HTR1F: variants seen among roughly 807,000 people sequenced by gnomAD.
HTR1F encodes the protein 5-hydroxytryptamine (serotonin) receptor 1F, G protein-coupled.
Under a neutral mutation model 24.0 loss-of-function variants are expected in HTR1F, and 17 were observed. The observed-to-expected ratio is 0.71, with a 90% CI of 0.48 to 1.06. HTR1F has a LOEUF of 1.06. HTR1F is among the 50% of genes least tolerant of loss of function. The pLI, the probability that HTR1F is intolerant of heterozygous loss-of-function variation, is 0.00. For synonymous variants in HTR1F, 186 were observed against 156.8 expected (o/e 1.19, Z -1.39); for missense variants, 391 against 427.8 (o/e 0.91, Z 0.76).
intron 2 of HTR1F, among the ~76,000 whole-genome samples, chr3:87,982,471 T>C (rs1246066457): frequency 6.6e-6 from 1 of 152,206 alleles, no homozygotes; most frequent in Non-Finnish European, 1.5e-5. Flanking sequence ...TGAAGAAAAC[T>C]ATACTAACTT....
chr3:87,938,963 C>G (rs1704494352), intron 2 of HTR1F, among the ~76,000 whole-genome samples: 2 of 152,272 alleles, frequency 1.3e-5, no homozygotes, highest in South Asian at 2.1e-4. Context: ...AGCTTCTGCA[C>G]AGCAAAATAA....
chr3:87,966,476 A>G (rs1434264476), intron 2 of HTR1F, among the ~76,000 whole-genome samples: 4 of 152,212 alleles, frequency 2.6e-5, no homozygotes, highest in Non-Finnish European at 4.4e-5. Flanking sequence ...TGTCTGTTGC[A>G]TGTTAAACTT....
chr3:87,905,794 G>T lies in HTR1F; in HGVS notation c.-43+83670G>T, dbSNP rs142755094. 5.2e-3 allele frequency among the ~76,000 whole-genome samples: 785 copies of T among 151,866 alleles called. 22 individuals carry two copies. The highest frequency in any genetic ancestry group is 0.046 in the Admixed American group (695 of 15,196). On this transcript the variant is annotated intron_variant, in intron 2 of 2. Coordinates refer to ENST00000319595, the MANE Select transcript of HTR1F (RefSeq NM_001322209.2). ...CTTTCTTCAGAGAAATAGGCACAAA[G>T]ATAGCATTTTTTAAAGCTTTGAAGT...
intron 2 of HTR1F, among the ~76,000 whole-genome samples, chr3:87,930,511 C>A (rs1486598048): frequency 3.3e-5 from 5 of 152,088 alleles, no homozygotes; most frequent in Non-Finnish European, 7.4e-5. Context: ...TGAATTTTAT[C>A]AAAAACCTTT....
intron 2 of HTR1F, among the ~76,000 whole-genome samples, chr3:87,827,013 G>A (rs1704478054): frequency 6.6e-6 from 1 of 151,956 alleles, no homozygotes; most frequent in Non-Finnish European, 1.5e-5. Context: ...CTTTCGCCAT[G>A]TTGCCCAGGC....
At chr3:87,903,272 A>G (rs1706374365) in intron 2 of HTR1F, among the ~76,000 whole-genome samples, 1 of 149,000 alleles carries the variant, frequency 6.7e-6, no homozygotes. Context: ...AAAATTGACA[A>G]ATGGGATCTA....
intron 2 of HTR1F, among the ~76,000 whole-genome samples, chr3:87,874,454 T>C (rs1350898719): frequency 6.6e-6 from 1 of 152,026 alleles, no homozygotes; most frequent in Admixed American, 6.5e-5. Context: ...GACTTGTACA[T>C]GGAAAACTAC....
intron 2 of HTR1F, among the ~76,000 whole-genome samples, chr3:87,958,771 C>T (rs1252807359): frequency 6.6e-6 from 1 of 151,590 alleles, no homozygotes; most frequent in African/African-American, 2.4e-5. Flanking sequence ...TTTGCCATCT[C>T]TCTTGCCAAT....
intron 2 of HTR1F, among the ~76,000 whole-genome samples, chr3:87,967,547 C>A (rs906531417): frequency 6.7e-6 from 1 of 149,810 alleles, no homozygotes; most frequent in African/African-American, 2.5e-5. Flanking sequence ...ATAATTCCCA[C>A]GTGTCATTAG....
intron 2 of HTR1F, among the ~76,000 whole-genome samples, chr3:87,946,986 C>T (rs1302142642): frequency 1.3e-5 from 2 of 152,170 alleles, no homozygotes; most frequent in East Asian, 3.8e-4. Context: ...TCCCTAAATC[C>T]TCTGAAGAGT....
chr3:87,805,759 G>T (rs760992099), intron 1 of HTR1F, among the ~76,000 whole-genome samples: 4 of 151,890 alleles, frequency 2.6e-5, no homozygotes, highest in Non-Finnish European at 5.9e-5. Flanking sequence ...ACGTTTACCC[G>T]TGTAACAAAT....
At position 87,810,382 on chromosome 3, in the gene HTR1F, T is replaced by C. The variant is rs528432624; in HGVS notation, c.-159-11626T>C. On this transcript the variant is annotated intron_variant, in intron 1 of 2. Transcript: ENST00000319595. ...ACTTTAGCAGTGCCTAATTTTATGC[T>C]TGGCCAAATCACACATTTCTGGATG... Among the ~76,000 whole-genome samples the C allele has an allele frequency of 6.6e-5, 10 of 152,288 alleles. No homozygotes were observed. The South Asian group carries it at 1.9e-3, about 28-fold the overall frequency.
intron 1 of HTR1F, among the ~76,000 whole-genome samples, chr3:87,813,094 A>G (rs1046376072): frequency 2.6e-5 from 4 of 152,216 alleles, no homozygotes; most frequent in Non-Finnish European, 4.4e-5. Context: ...ATCACTGCCT[A>G]GTGAAGTTGT....
intron 2 of HTR1F, among the ~76,000 whole-genome samples, chr3:87,888,907 T>A (rs1706017312): frequency 6.6e-6 from 1 of 152,216 alleles, no homozygotes; most frequent in Admixed American, 6.5e-5. Context: ...ATAGTTTGGA[T>A]GTTTGTCTCT....
At position 87,886,295 on chromosome 3, in the gene HTR1F, T is replaced by G. The variant is rs147259132; in HGVS notation, c.-43+64171T>G. 1.3e-3 allele frequency among the ~76,000 whole-genome samples: 204 copies of G among 152,248 alleles called. 2 individuals carry two copies. The highest frequency in any genetic ancestry group is 4.7e-3 in the African/African-American group (195 of 41,556). On this transcript the variant is annotated intron_variant, in intron 2 of 2. Transcript: ENST00000319595. ...GCCTTTGACAAAATTCAACAGCCCTTCCTGCTAAAAACTCTCAATAAACTA... is the reference window on the plus strand; with the variant it reads ...GCCTTTGACAAAATTCAACAGCCCTGCCTGCTAAAAACTCTCAATAAACTA...
chr3:87,916,575 T>A, intron 2 of HTR1F, among the ~76,000 whole-genome samples: 1 of 152,072 alleles, frequency 6.6e-6, no homozygotes. Flanking sequence ...AGGATAGCTA[T>A]TCTTATATCA....
At chr3:87,805,532 G>A (rs2107081261) in intron 1 of HTR1F, among the ~76,000 whole-genome samples, 1 of 151,822 alleles carries the variant, frequency 6.6e-6, no homozygotes, top group East Asian at 1.9e-4. Flanking sequence ...CATATATAGA[G>A]AGTACATGTA....
rs543152561 is a variant in HTR1F at position 87,824,275 on chromosome 3, C to G, written c.-43+2151C>G. Among the ~76,000 whole-genome samples the G allele has an allele frequency of 1.1e-4, 17 of 152,178 alleles. No individual in the cohort carries two copies. In the South Asian group the frequency reaches 3.5e-3, roughly 32 times the overall value. On this transcript the variant is annotated intron_variant, in intron 2 of 2. Coordinates refer to ENST00000319595, the MANE Select transcript of HTR1F (RefSeq NM_001322209.2). Reference sequence around the variant, plus strand: ...CTACTATACCCTTGGTTGCTTAGACCAAAAATGTGGGGGTCTTACCTTTGT... The same window carrying G: ...CTACTATACCCTTGGTTGCTTAGACGAAAAATGTGGGGGTCTTACCTTTGT...
At chr3:87,809,944 G>T (rs1167019330) in intron 1 of HTR1F, among the ~76,000 whole-genome samples, 1 of 151,806 alleles carries the variant, frequency 6.6e-6, no homozygotes, top group Non-Finnish European at 1.5e-5. Context: ...TACCCAATCT[G>T]GATACACCAT....
Sources: gnomAD v4.1 joint callset for allele counts (sites outside exome capture counted in the v4.1 genomes callset) on GRCh38, gnomAD v4.1.1 for gene constraint, MANE v1.5 for transcripts, NCBI Gene and HGNC (gene_info 2026-07-23, HGNC 2026-07-21) for gene names.